LRRTM4: variants seen among roughly 807,000 people sequenced by gnomAD.
LRRTM4 encodes the protein leucine-rich repeat transmembrane neuronal protein 4.
Under a neutral mutation model 47.6 loss-of-function variants are expected in LRRTM4, and 25 were observed. That is an observed-to-expected ratio of 0.53 (90% CI 0.38 to 0.73). The LOEUF (loss-of-function observed/expected upper bound fraction) is 0.73. Among genes scored for constraint, LRRTM4 ranks in the 30% least tolerant of loss-of-function variants. LRRTM4 has a pLI of 0.00. For missense variants in LRRTM4, 638 were observed against 713.4 expected (o/e 0.89, Z 1.20); for synonymous variants, 311 against 269.5 (o/e 1.15, Z -1.51).
chr2:77,311,118 A>G (rs1394177304), intron 3 of LRRTM4, among the ~76,000 whole-genome samples: 1 of 152,080 alleles, frequency 6.6e-6, no homozygotes, highest in Non-Finnish European at 1.5e-5. Flanking sequence ...GTGGTAATGT[A>G]TTTGAAAGAT....
intron 3 of LRRTM4, among the ~76,000 whole-genome samples, chr2:77,144,115 A>G (rs978308897): frequency 6.6e-6 from 1 of 152,148 alleles, no homozygotes; most frequent in Admixed American, 6.6e-5. Flanking sequence ...TAGCCAACCC[A>G]GTGGGAAGCT....
chr2:77,327,704 T>C (rs1670828132), intron 3 of LRRTM4, among the ~76,000 whole-genome samples: 1 of 152,182 alleles, frequency 6.6e-6, no homozygotes, highest in Non-Finnish European at 1.5e-5. Context: ...CTCTAGACAG[T>C]ACATTTCCTT....
intron 3 of LRRTM4, among the ~76,000 whole-genome samples, chr2:77,060,331 T>C (rs1433597550): frequency 6.6e-6 from 1 of 152,170 alleles, no homozygotes; most frequent in Non-Finnish European, 1.5e-5. Context: ...CATGCAATTA[T>C]TTTGTAATAT....
At chr2:77,076,095 G>A (rs1467123931) in intron 3 of LRRTM4, among the ~76,000 whole-genome samples, 1 of 151,970 alleles carries the variant, frequency 6.6e-6, no homozygotes, top group African/African-American at 2.4e-5. Flanking sequence ...AAAGCAAAAA[G>A]GCATTTTCAT....
chr2:77,343,760 G>C (rs1671460721), intron 3 of LRRTM4, among the ~76,000 whole-genome samples: 1 of 151,826 alleles, frequency 6.6e-6, no homozygotes, highest in African/African-American at 2.4e-5. Context: ...TAATAATCAA[G>C]ACAAAACCTT....
chr2:77,095,098 G>T (rs1008367969), intron 3 of LRRTM4, among the ~76,000 whole-genome samples: 6 of 152,168 alleles, frequency 3.9e-5, no homozygotes, highest in Non-Finnish European at 8.8e-5. Context: ...ATTTAAAAGT[G>T]AGCAAAGGAT....
At chr2:77,272,547 T>A (rs1676228079) in intron 3 of LRRTM4, among the ~76,000 whole-genome samples, 1 of 152,162 alleles carries the variant, frequency 6.6e-6, no homozygotes, top group Non-Finnish European at 1.5e-5. Flanking sequence ...GCCTTTTAAA[T>A]ATTAAGTTTT....
intron 3 of LRRTM4, among the ~76,000 whole-genome samples, chr2:77,032,546 GAATA>G (rs981632574): frequency 1.2e-4 from 18 of 151,856 alleles, no homozygotes; most frequent in Admixed American, 2.0e-4. Context: ...TTGAATAATT[GAATA>G]AATAATTGAA....
chr2:76,851,145 C>A (rs1484808138), intron 3 of LRRTM4, among the ~76,000 whole-genome samples: 2 of 152,162 alleles, frequency 1.3e-5, no homozygotes, highest in Admixed American at 1.3e-4. Flanking sequence ...CTTGGGCTTG[C>A]AGGTGCAGCT....
intron 3 of LRRTM4, among the ~76,000 whole-genome samples, chr2:77,465,861 C>T (rs1676962007): frequency 6.6e-6 from 1 of 152,156 alleles, no homozygotes; most frequent in Non-Finnish European, 1.5e-5. Context: ...TTCCTGGCCT[C>T]TTCACTGATT....
chr2:76,959,487 C>T (rs956432491), intron 3 of LRRTM4, among the ~76,000 whole-genome samples: 2 of 96,198 alleles, frequency 2.1e-5, no homozygotes, highest in Admixed American at 1.1e-4. Flanking sequence ...GAGAAATTAT[C>T]CACCTTTAAA....
chr2:77,139,655 A>G (rs771164335), intron 3 of LRRTM4, among the ~76,000 whole-genome samples: 4 of 152,134 alleles, frequency 2.6e-5, no homozygotes, highest in African/African-American at 4.8e-5. Context: ...AATAAAGGGT[A>G]TAAAATTAGG....
chr2:77,015,393 G>A (rs951037174), intron 3 of LRRTM4, among the ~76,000 whole-genome samples: 7 of 152,022 alleles, frequency 4.6e-5, no homozygotes, highest in African/African-American at 1.7e-4. Context: ...CTAGAGTGCA[G>A]TGGTGCGATC....
At chr2:76,814,463 G>T (rs1435365267) in intron 3 of LRRTM4, among the ~76,000 whole-genome samples, 1 of 151,764 alleles carries the variant, frequency 6.6e-6, no homozygotes. Flanking sequence ...CTTATCCATG[G>T]TTCTGCATCT....
Position 77,011,781 on chromosome 2 carries a change from A to G in LRRTM4, c.1552-262865T>C, listed in dbSNP as rs527377064. Among the ~76,000 whole-genome samples, 18 of 152,142 alleles carry G rather than the reference A, an allele frequency of 1.2e-4. 1 individual carries two copies. In the East Asian group the frequency reaches 2.1e-3, roughly 18 times the overall value. On this transcript the variant is annotated intron_variant, in intron 3 of 3. Coordinates refer to ENST00000409884, the MANE Select transcript of LRRTM4 (RefSeq NM_001134745.3). ...AAATATATAACTCTTAAAAATTTCA[A>G]TATTTTATCTGAGTCGTTTCTCCCT...
chr2:76,937,269 G>A (rs1272163395), intron 3 of LRRTM4, among the ~76,000 whole-genome samples: 1 of 152,064 alleles, frequency 6.6e-6, no homozygotes, highest in Non-Finnish European at 1.5e-5. Flanking sequence ...TATTTATGAA[G>A]TTTATTAACT....
intron 3 of LRRTM4, among the ~76,000 whole-genome samples, chr2:76,824,164 G>A (rs763544411): frequency 6.6e-6 from 1 of 151,498 alleles, no homozygotes. Context: ...TGTCTTGTCT[G>A]GTAGAGGTTC....
At chr2:77,447,272 T>C (rs1397894401) in intron 3 of LRRTM4, among the ~76,000 whole-genome samples, 1 of 152,138 alleles carries the variant, frequency 6.6e-6, no homozygotes, top group African/African-American at 2.4e-5. Context: ...TGTGTGTCTA[T>C]GTGTGTTTGT....
intron 3 of LRRTM4, among the ~76,000 whole-genome samples, chr2:76,875,842 G>C (rs1278006038): frequency 2.6e-5 from 4 of 152,134 alleles, no homozygotes; most frequent in Admixed American, 1.3e-4. Flanking sequence ...GCATCAATGT[G>C]TTGTGGGACT....
Sources: gnomAD v4.1 joint callset for allele counts (sites outside exome capture counted in the v4.1 genomes callset) on GRCh38, gnomAD v4.1.1 for gene constraint, MANE v1.5 for transcripts, NCBI Gene and HGNC (gene_info 2026-07-23, HGNC 2026-07-21) for gene names.